Variants in NRXN3 observed in about 807,000 individuals in gnomAD.
NRXN3 encodes neurexin 3.
A neutral mutation model predicts 137.6 loss-of-function variants in NRXN3; 32 were observed. The observed-to-expected ratio is 0.23, with a 90% CI of 0.18 to 0.31. The LOEUF (loss-of-function observed/expected upper bound fraction) is 0.31, where lower values mean the gene tolerates loss of function less well. NRXN3 is among the 10% of genes least tolerant of loss of function. The pLI, the probability that NRXN3 is intolerant of heterozygous loss-of-function variation, is 1.00. For synonymous variants in NRXN3, 798 were observed against 784.5 expected (o/e 1.02, Z -0.29); for missense variants, 1,574 against 2,062.5 (o/e 0.76, Z 4.59).
intron 10 of NRXN3, among the ~76,000 whole-genome samples, chr14:78,898,083 G>T (rs1053285938): frequency 1.3e-4 from 20 of 151,852 alleles, no homozygotes; most frequent in Admixed American, 1.2e-3. Context: ...TACTGAAAAT[G>T]AGCACCTCTT....
chr14:79,827,324 AT>A (rs2099307687), intron 20 of NRXN3, among the ~76,000 whole-genome samples: 2 of 152,126 alleles, frequency 1.3e-5, no homozygotes, highest in Non-Finnish European at 2.9e-5. Context: ...AGAGTGTGAA[AT>A]AAGTGACAGC....
At chr14:79,023,130 CT>C (rs1285866182) in intron 15 of NRXN3, among the ~76,000 whole-genome samples, 3 of 119,838 alleles carry the variant, frequency 2.5e-5, no homozygotes, top group African/African-American at 6.2e-5. Flanking sequence ...TTTTTAACTT[CT>C]TTTTTGCTTC....
intron 15 of NRXN3, among the ~76,000 whole-genome samples, chr14:79,018,878 C>G (rs989463814): frequency 1.3e-5 from 2 of 152,194 alleles, no homozygotes; most frequent in African/African-American, 4.8e-5. Flanking sequence ...CACCCCTGCC[C>G]TGGCTTTCAG....
chr14:78,571,972 T>G (rs999918612), intron 4 of NRXN3, among the ~76,000 whole-genome samples: 84 of 152,328 alleles, frequency 5.5e-4, no homozygotes, highest in African/African-American at 1.9e-3. Context: ...ACTCACTCCT[T>G]GTGGTGTGTT....
chr14:78,276,695 A>T (rs1233730263), intron 2 of NRXN3, among the ~76,000 whole-genome samples: 1 of 152,192 alleles, frequency 6.6e-6, no homozygotes, highest in Non-Finnish European at 1.5e-5. Flanking sequence ...TTAAGATTGT[A>T]ATCACATCCC....
chr14:79,011,372 C>CACCCT (rs2099570768), intron 15 of NRXN3, among the ~76,000 whole-genome samples: 1 of 109,702 alleles, frequency 9.1e-6, no homozygotes, highest in Non-Finnish European at 1.9e-5. Context: ...CCCGCCCCCC[C>CACCCT]ACCTCCCCCC....
intron 15 of NRXN3, among the ~76,000 whole-genome samples, chr14:79,219,524 A>G (rs2069152018): frequency 6.6e-6 from 1 of 152,156 alleles, no homozygotes; most frequent in Non-Finnish European, 1.5e-5. Flanking sequence ...TGGTGGAAAG[A>G]TTTACTAAAT....
chr14:79,740,707 G>GT (rs71103816), intron 19 of NRXN3, among the ~76,000 whole-genome samples: 1 of 47,694 alleles, frequency 2.1e-5, no homozygotes, highest in Non-Finnish European at 3.7e-5. Flanking sequence ...TTTGCATTTA[G>GT]TTTTTTATAT....
intron 15 of NRXN3, among the ~76,000 whole-genome samples, chr14:79,331,611 A>G (rs531828388): frequency 1.3e-5 from 2 of 152,304 alleles, no homozygotes; most frequent in East Asian, 1.9e-4. Flanking sequence ...GAAAAATCCA[A>G]GGCAGCTTTT....
intron 15 of NRXN3, among the ~76,000 whole-genome samples, chr14:79,021,909 T>C (rs2099590345): frequency 6.6e-6 from 1 of 152,124 alleles, no homozygotes; most frequent in African/African-American, 2.4e-5. Flanking sequence ...TGTGGCATAG[T>C]GTTGGGTGAT....
intron 15 of NRXN3, among the ~76,000 whole-genome samples, chr14:79,190,918 A>G (rs1442523445): frequency 6.6e-6 from 1 of 152,168 alleles, no homozygotes; most frequent in Non-Finnish European, 1.5e-5. Context: ...ACTGTACATA[A>G]TCTAAAGCAT....
chr14:78,880,085 A>G (rs1337968592), intron 10 of NRXN3, among the ~76,000 whole-genome samples: 1 of 147,930 alleles, frequency 6.8e-6, no homozygotes, highest in Admixed American at 6.6e-5. Context: ...TAAAAATACA[A>G]AAAAATTAGC....
At chr14:78,853,009 G>A (rs1308345351) in intron 10 of NRXN3, among the ~76,000 whole-genome samples, 1 of 151,926 alleles carries the variant, frequency 6.6e-6, no homozygotes, top group African/African-American at 2.4e-5. Context: ...TGATGCAAAT[G>A]ACAGAATCTC....
chr14:78,257,571 A>G (rs1416303505), intron 2 of NRXN3, among the ~76,000 whole-genome samples: 1 of 152,354 alleles, frequency 6.6e-6, no homozygotes, highest in East Asian at 1.9e-4. Flanking sequence ...TGGAAGCATT[A>G]ATTGGGAGAC....
intron 15 of NRXN3, among the ~76,000 whole-genome samples, chr14:79,155,319 T>C (rs977918887): frequency 1.3e-5 from 2 of 151,906 alleles, no homozygotes; most frequent in Non-Finnish European, 2.9e-5. Flanking sequence ...AAATGATAGA[T>C]AAAATGTAGA....
chr14:78,522,816 G>T (rs534028352), intron 4 of NRXN3, among the ~76,000 whole-genome samples: 3 of 152,248 alleles, frequency 2.0e-5, no homozygotes, highest in Admixed American at 6.5e-5. Flanking sequence ...AGAATGCAAG[G>T]CTAGACTACT....
chr14:79,657,663 G>A (rs1345728174), intron 16 of NRXN3, among the ~76,000 whole-genome samples: 1 of 152,128 alleles, frequency 6.6e-6, no homozygotes, highest in African/African-American at 2.4e-5. Context: ...CACAAAAAGA[G>A]CGCAAATTAT....
At chr14:79,078,583 G>A (rs1262376961) in intron 15 of NRXN3, among the ~76,000 whole-genome samples, 2 of 152,180 alleles carry the variant, frequency 1.3e-5, no homozygotes, top group Non-Finnish European at 2.9e-5. Flanking sequence ...AGAAGAATAA[G>A]AGGTGGTAAA....
intron 16 of NRXN3, among the ~76,000 whole-genome samples, chr14:79,614,484 C>G (rs1045813095): frequency 7.9e-5 from 12 of 152,080 alleles, no homozygotes; most frequent in African/African-American, 2.9e-4. Context: ...AAGTTATGAT[C>G]AGATCTTTGG....
Sources: gnomAD v4.1 joint callset for allele counts (sites outside exome capture counted in the v4.1 genomes callset) on GRCh38, gnomAD v4.1.1 for gene constraint, MANE v1.5 for transcripts, NCBI Gene and HGNC (gene_info 2026-07-23, HGNC 2026-07-21) for gene names.